The following UBR1 variants were observed in gnomAD, a reference collection of about 807,000 sequenced individuals.
The protein encoded by UBR1 is E3 ubiquitin-protein ligase UBR1.
In UBR1, 102 loss-of-function variants were observed where a neutral mutation model predicts 242.1. That is an observed-to-expected ratio of 0.42 (90% CI 0.36 to 0.50). The LOEUF (loss-of-function observed/expected upper bound fraction) is 0.50, where lower values mean the gene tolerates loss of function less well. UBR1 is among the 20% of genes least tolerant of loss of function. UBR1 has a pLI of 0.01. For synonymous variants in UBR1, 675 were observed against 684.8 expected (o/e 0.99, Z 0.22); for missense variants, 1,772 against 2,101.8 (o/e 0.84, Z 3.07).
intron 3 of UBR1, among the ~76,000 whole-genome samples, chr15:43,079,192 C>T (rs1460747760): frequency 6.6e-6 from 1 of 152,058 alleles, no homozygotes; most frequent in African/African-American, 2.4e-5. Flanking sequence ...ACAGACCAGG[C>T]ACAGTGGCTC....
rs77505306 is a variant in UBR1, at chr15:43,042,267, G to A, written c.1849+948C>T. ...CAGCACTATTCATAACAGCCAAAAG[G>A]TAGAAGCAACCCAAGTGTCCATCAA... On this transcript the variant is annotated intron_variant, in intron 15 of 46. Transcript: ENST00000290650. Among the ~76,000 whole-genome samples, 538 of 152,140 alleles carry A rather than the reference G, an allele frequency of 3.5e-3. 2 individuals carry two copies. The highest frequency in any genetic ancestry group is 6.1e-3 in the Non-Finnish European group (413 of 68,006).
Position 43,021,147 on chromosome 15 carries a change from T to C in UBR1, c.2940+128A>G, listed in dbSNP as rs902969571. On this transcript the variant is annotated intron_variant, in intron 27 of 46. Transcript: ENST00000290650. ...ATATAGGAAAATAGAATTATTAACA[T>C]GAAAAATAAGTGATTATGAAAACCA... 24 of 674,734 alleles carry C rather than the reference T, an allele frequency of 3.6e-5. No homozygotes were observed. The African/African-American group carries it at 4.0e-4, about 11-fold the overall frequency. The allele number at this position is 674,734 out of a possible 1,614,324, so 41.8% of individuals were successfully genotyped here. A position where few individuals can be genotyped will look rare whatever the true frequency, so the allele number is the denominator to read the frequency against.
At chr15:42,963,815 C>G in intron 42 of UBR1, 120 bp downstream of exon 42, 1 of 750,094 alleles carries the variant, frequency 1.3e-6, no homozygotes, top group Admixed American at 2.1e-5. Flanking sequence ...TTAGGAATCT[C>G]CTATACTTTT....
In UBR1 at chr15:42,944,492, A is replaced by G. The variant is rs2031701312; in HGVS notation, c.*837T>C. ...TCATTGCGAGAATTTTCTCATCTTCATTCTACAGTTTTTACATCAGAATTA... is the reference window on the plus strand; with the variant it reads ...TCATTGCGAGAATTTTCTCATCTTCGTTCTACAGTTTTTACATCAGAATTA... On this transcript the variant is annotated 3_prime_UTR_variant, in exon 47 of 47. Transcript: ENST00000290650. The G allele has an allele frequency of 6.6e-6, 1 of 152,228 alleles. No homozygotes were observed. Among genetic ancestry groups the G allele is most frequent in the African/African-American group, 2.4e-5 (1 of 41,450 alleles). 9.4% of individuals were successfully genotyped at this position (152,228 alleles called of 1,614,324 possible). A position where few individuals can be genotyped will look rare whatever the true frequency, so the allele number is the denominator to read the frequency against.
intron 13 of UBR1, among the ~76,000 whole-genome samples, chr15:43,047,914 G>A (rs2033505683): frequency 6.6e-6 from 1 of 152,190 alleles, no homozygotes; most frequent in South Asian, 2.1e-4. Flanking sequence ...AACATTAACA[G>A]AAGTAGCAAC....
At chr15:42,949,527 G>C (rs1015790101) in intron 46 of UBR1, among the ~76,000 whole-genome samples, 5 of 151,950 alleles carry the variant, frequency 3.3e-5, no homozygotes, top group Non-Finnish European at 7.4e-5. Flanking sequence ...AGCCGGGCAT[G>C]GTGGCTCATG....
At chr15:43,076,836 C>T (rs2033907582) in intron 3 of UBR1, among the ~76,000 whole-genome samples, 5 of 107,658 alleles carry the variant, frequency 4.6e-5, no homozygotes, top group African/African-American at 1.3e-4. Flanking sequence ...CGCCTCTGCC[C>T]GGCCGCCCCT....
intron 15 of UBR1, among the ~76,000 whole-genome samples, chr15:43,042,772 T>C (rs886969427): frequency 3.3e-5 from 5 of 152,200 alleles, no homozygotes; most frequent in African/African-American, 1.2e-4. Context: ...AGCTATTTTT[T>C]AAAAACCCTG....
chr15:43,062,902 A>G (rs1226448955), intron 6 of UBR1, among the ~76,000 whole-genome samples: 2 of 145,450 alleles, frequency 1.4e-5, no homozygotes, highest in Non-Finnish European at 3.0e-5. Context: ...GTCTACTCTG[A>G]AAAAAAAAAA....
chr15:43,101,990 A>C (rs915937378), intron 1 of UBR1, among the ~76,000 whole-genome samples: 1 of 149,786 alleles, frequency 6.7e-6, no homozygotes, highest in African/African-American at 2.4e-5. Flanking sequence ...AAAAAAAAAA[A>C]AAAGCCAGGC....
At position 43,034,267 on chromosome 15, in the gene UBR1, AATAAATAAATAAATAG is replaced by A. The variant is rs1213846149; in HGVS notation, c.2191-1652_2191-1637del. ...AAATAAATAAATAAATAAATAAATA[AATAAATAAATAAATAG>A]ATAAATAAATGAGCTGGGCGTGGTG... is the stretch of plus-strand genomic sequence containing the variant. On this transcript the variant is annotated intron_variant, in intron 19 of 46. Transcript: ENST00000290650. Among the ~76,000 whole-genome samples, 1,759 of 105,228 alleles carry A rather than the reference AATAAATAAATAAATAG, an allele frequency of 0.017. 126 individuals carry two copies. In the East Asian group the frequency reaches 0.22, roughly 13 times the overall value. The allele number at this position is 105,228 out of a possible 152,430, so 69.0% of individuals were successfully genotyped here.
intron 1 of UBR1, among the ~76,000 whole-genome samples, chr15:43,103,268 A>G (rs2034260004): frequency 6.6e-6 from 1 of 152,230 alleles, no homozygotes; most frequent in Non-Finnish European, 1.5e-5. Context: ...CAGGAGGTTG[A>G]GGTGGGAAGA....
At chr15:42,990,963 CT>C (rs778351226) in intron 33 of UBR1, among the ~76,000 whole-genome samples, 138 of 143,842 alleles carry the variant, frequency 9.6e-4, no homozygotes, top group East Asian at 8.1e-4. Flanking sequence ...GATTTTTAAT[CT>C]TTTTTTTTTT....
chr15:42,971,857 A>G (rs1476371432), intron 39 of UBR1, among the ~76,000 whole-genome samples: 2 of 152,196 alleles, frequency 1.3e-5, no homozygotes, highest in Non-Finnish European at 2.9e-5. Context: ...TTTTTTAATT[A>G]ATACACTTTA....
At chr15:43,031,192 T>C (rs1355461766) in intron 20 of UBR1, among the ~76,000 whole-genome samples, 1 of 152,044 alleles carries the variant, frequency 6.6e-6, no homozygotes, top group African/African-American at 2.4e-5. Flanking sequence ...ACAAAAATGT[T>C]GACTCCTGAG....
At chr15:43,052,472 G>A (rs2033568288) in intron 12 of UBR1, among the ~76,000 whole-genome samples, 1 of 152,194 alleles carries the variant, frequency 6.6e-6, no homozygotes, top group South Asian at 2.1e-4. Flanking sequence ...GCTGCTTTGA[G>A]AGAATGAAAA....
In UBR1 at chr15:42,953,951, C is replaced by T. The variant is rs532309645; in HGVS notation, c.4836-1503G>A. On this transcript the variant is annotated intron_variant, in intron 44 of 46. Transcript: ENST00000290650. The stretch of plus-strand genomic sequence containing the variant: ...AGGCTGAAGTCCAGTGTCACAGTCA[C>T]GGCTCACTGCTGCCTCAACCTCCTC... Among the ~76,000 whole-genome samples the T allele has an allele frequency of 1.3e-4, 20 of 150,836 alleles. 1 individual carries two copies. The highest frequency in any genetic ancestry group is 4.4e-4 in the African/African-American group (18 of 40,992).
At chr15:42,974,046 G>A (rs1035062810) in intron 39 of UBR1, among the ~76,000 whole-genome samples, 10 of 151,782 alleles carry the variant, frequency 6.6e-5, no homozygotes, top group African/African-American at 9.7e-5. Flanking sequence ...CCGCCACCAC[G>A]CCCAGCTAAT....
chr15:42,998,366 G>C (rs1240643041), intron 32 of UBR1, 101 bp from the exon 33 acceptor site: 3 of 1,063,836 alleles, frequency 2.8e-6, no homozygotes, highest in East Asian at 5.1e-5. Context: ...ATATAAAAAA[G>C]TTGAGTTCCT....
Sources: gnomAD v4.1 joint callset for allele counts (sites outside exome capture counted in the v4.1 genomes callset) on GRCh38, gnomAD v4.1.1 for gene constraint, MANE v1.5 for transcripts, NCBI Gene and HGNC (gene_info 2026-07-23, HGNC 2026-07-21) for gene names.